TULP4: variants seen among roughly 807,000 people sequenced by gnomAD.
TULP4 encodes the protein tubby-related protein 4.
Under a neutral mutation model 129.0 loss-of-function variants are expected in TULP4, and 16 were observed. That is an observed-to-expected ratio of 0.12 (90% CI 0.08 to 0.19). The LOEUF (loss-of-function observed/expected upper bound fraction) is 0.19. Among genes scored for constraint, TULP4 ranks in the 10% least tolerant of loss-of-function variants. TULP4 has a pLI of 1.00. For missense variants in TULP4, 1,842 were observed against 2,059.1 expected (o/e 0.89, Z 2.04); for synonymous variants, 998 against 854.0 (o/e 1.17, Z -2.94).
chr6:158,422,517 A>G (rs1319171460), intron 2 of TULP4, among the ~76,000 whole-genome samples: 1 of 152,204 alleles, frequency 6.6e-6, no homozygotes, highest in African/African-American at 2.4e-5. Context: ...CAGGGTTCTT[A>G]ATTCTCAGGC....
chr6:158,316,731 C>T (rs1462829269), intron 1 of TULP4, among the ~76,000 whole-genome samples: 4 of 152,192 alleles, frequency 2.6e-5, no homozygotes, highest in Non-Finnish European at 5.9e-5. Context: ...GGGGCCTCTG[C>T]TTAGGTCTCC....
chr6:158,503,465 G>C lies in TULP4; in HGVS notation c.3802G>C (p.Ala1268Pro), dbSNP rs373525326. The change falls in exon 13 of 14, where the codon GCC becomes CCC. Residue 1268 changes from alanine to proline, a missense_variant. Coordinates refer to ENST00000367097, the MANE Select transcript of TULP4 (RefSeq NM_020245.5). The surrounding 1 kb of genome is among the most constrained non-coding windows in gnomAD (Gnocchi z 4.3). Reference protein sequence around the residue: ...VALHPWSSYSACPPMQNPQGT... With the variant: ...VALHPWSSYSPCPPMQNPQGT... Reference sequence around the variant, plus strand: ...CTTGCATCCATGGAGTTCCTACAGCGCCTGCCCGCCCATGCAGAACCCCCA... The same window carrying C: ...CTTGCATCCATGGAGTTCCTACAGCCCCTGCCCGCCCATGCAGAACCCCCA... 23 of 1,613,840 alleles carry C rather than the reference G, an allele frequency of 1.4e-5. No homozygotes were observed. In the South Asian group the frequency reaches 2.4e-4, roughly 17 times the overall value.
chr6:158,326,582 AAGT>A (rs1779753797), intron 1 of TULP4, among the ~76,000 whole-genome samples: 1 of 152,192 alleles, frequency 6.6e-6, no homozygotes, highest in South Asian at 2.1e-4. Context: ...GTAAGTCATA[AAGT>A]ATAAGACTTT....
At chr6:158,234,729 CAT>C (rs1287208821) in intron 1 of TULP4, among the ~76,000 whole-genome samples, 2 of 152,184 alleles carry the variant, frequency 1.3e-5, no homozygotes, top group Non-Finnish European at 2.9e-5. Flanking sequence ...AGAAATTGTA[CAT>C]TTGTCTTTAG....
chr6:158,321,713 G>A (rs888375672), intron 1 of TULP4, among the ~76,000 whole-genome samples: 2 of 152,100 alleles, frequency 1.3e-5, no homozygotes, highest in East Asian at 1.9e-4. Flanking sequence ...TATCTGAAAC[G>A]TGCTCACTTC....
intron 6 of TULP4, among the ~76,000 whole-genome samples, chr6:158,475,849 G>T (rs1411410706): frequency 1.3e-5 from 2 of 152,210 alleles, no homozygotes; most frequent in African/African-American, 4.8e-5. Flanking sequence ...CATTTGTAGC[G>T]AGGGCTTTAT....
intron 9 of TULP4, among the ~76,000 whole-genome samples, chr6:158,492,031 G>T (rs1210680537): frequency 1.3e-5 from 2 of 151,130 alleles, no homozygotes; most frequent in Non-Finnish European, 2.9e-5. Context: ...GCTAATTTTT[G>T]TATTTTTTAG....
intron 1 of TULP4, among the ~76,000 whole-genome samples, chr6:158,325,816 A>G (rs776947067): frequency 6.6e-6 from 1 of 152,138 alleles, no homozygotes; most frequent in Non-Finnish European, 1.5e-5. Context: ...GTGTGAGTTA[A>G]TTTTTTATCA....
chr6:158,413,185 G>A lies in TULP4; in HGVS notation c.373G>A (p.Gly125Arg), dbSNP rs374071388. The A allele has an allele frequency of 3.7e-6, 6 of 1,612,120 alleles. No individual in the cohort carries two copies. The highest frequency in any genetic ancestry group is 3.3e-4 in the Middle Eastern group (2 of 6,074). Residue 125 changes from glycine to arginine, a missense_variant, in exon 2 of 14, where the codon GGG becomes AGG. Transcript: ENST00000367097. This position sits in a 1 kb window ranked among gnomAD's most constrained non-coding sequence, Gnocchi z 4.9. Reference protein sequence around the residue: ...RWSVELVNDRGAQVSDFTWSH... With the variant: ...RWSVELVNDRRAQVSDFTWSH... ...GTCTGTGGAGCTGGTCAACGACCGC[G>A]GGGCGCAGGTGAGTGGCAGGCGCAG...
At chr6:158,362,428 T>G (rs1780814720) in intron 1 of TULP4, among the ~76,000 whole-genome samples, 1 of 152,230 alleles carries the variant, frequency 6.6e-6, no homozygotes, top group East Asian at 1.9e-4. Context: ...TAGTTCACTG[T>G]AAGCTTGACC....
Position 158,257,454 on chromosome 6 carries a change from A to C in TULP4, n.68+25151A>C, listed in dbSNP as rs528874951. Among the ~76,000 whole-genome samples the C allele has an allele frequency of 2.0e-3, 302 of 152,358 alleles. 4 individuals carry two copies. Among genetic ancestry groups the C allele is most frequent in the African/African-American group, 6.5e-3 (272 of 41,580 alleles). On this transcript the variant is annotated intron_variant and non_coding_transcript_variant, in intron 1 of 1. Coordinates refer to the TULP4 transcript ENST00000620026. ...AAATATATTATTGTAATCATTTTTC[A>C]ATGTACAGTTCAGGGCCATTAAACA...
intron 3 of TULP4, among the ~76,000 whole-genome samples, chr6:158,445,739 G>T (rs922027129): frequency 6.6e-6 from 1 of 152,212 alleles, no homozygotes; most frequent in African/African-American, 2.4e-5. Context: ...CTGGTTGTGT[G>T]TGTGTTGCTC....
At chr6:158,419,525 C>A (rs964201016) in intron 2 of TULP4, among the ~76,000 whole-genome samples, 3 of 151,998 alleles carry the variant, frequency 2.0e-5, no homozygotes, top group African/African-American at 7.2e-5. Flanking sequence ...ATTTACCAAT[C>A]AAAAGATACA....
At chr6:158,252,184 T>G (rs1447158109) in intron 1 of TULP4, among the ~76,000 whole-genome samples, 1 of 152,210 alleles carries the variant, frequency 6.6e-6, no homozygotes, top group Non-Finnish European at 1.5e-5. Context: ...TTTTTCATGG[T>G]TGGTTGCCTT....
chr6:158,363,623 A>G (rs1275007599), intron 1 of TULP4, among the ~76,000 whole-genome samples: 2 of 152,154 alleles, frequency 1.3e-5, no homozygotes, highest in Non-Finnish European at 2.9e-5. Context: ...AGCTGGGACT[A>G]CAGGCACGCA....
rs56898948 is a variant in TULP4, at chr6:158,318,899, AT to A, written c.252+4657del. Among the ~76,000 whole-genome samples the A allele has an allele frequency of 9.3e-3, 1,278 of 136,690 alleles. 11 individuals carry two copies. The highest frequency in any genetic ancestry group is 0.034 in the African/African-American group (1,206 of 35,484). The allele number at this position is 136,690 out of a possible 152,430, so 89.7% of individuals were successfully genotyped here. A position where few individuals can be genotyped will look rare whatever the true frequency, so the allele number is the denominator to read the frequency against. On this transcript the variant is annotated intron_variant, in intron 1 of 13. Transcript: ENST00000367097. ...TGCCACAATGTTCAGCTAGTTACAA[AT>A]TTTTTTTTTTTTTTTTTTTTTTTTT...
chr6:158,470,146 G>C (rs1779646007), intron 6 of TULP4, among the ~76,000 whole-genome samples: 1 of 152,364 alleles, frequency 6.6e-6, no homozygotes, highest in Non-Finnish European at 1.5e-5. Context: ...CAAGCCTTTA[G>C]CCTGATCGGG....
At chr6:158,416,093 C>T (rs935333693) in intron 2 of TULP4, among the ~76,000 whole-genome samples, 1 of 152,190 alleles carries the variant, frequency 6.6e-6, no homozygotes, top group Non-Finnish European at 1.5e-5. Context: ...GCATCCAGCA[C>T]GGGAGAGAGA....
At chr6:158,373,202 T>C (rs1017264964) in intron 1 of TULP4, among the ~76,000 whole-genome samples, 4 of 152,258 alleles carry the variant, frequency 2.6e-5, no homozygotes, top group African/African-American at 9.6e-5. Flanking sequence ...TAATAGCTTA[T>C]GCCCATGTAG....
Sources: allele counts gnomAD v4.1 joint callset (sites outside exome capture counted in the v4.1 genomes callset), GRCh38; gene constraint gnomAD v4.1.1; non-coding constraint Gnocchi (gnomAD v3.1); transcripts MANE v1.5; gene names NCBI Gene and HGNC (gene_info 2026-07-23, HGNC 2026-07-21).